Variants in DNAH1 observed in about 807,000 individuals in gnomAD.
DNAH1 encodes the protein dynein axonemal heavy chain 1.
Under a neutral mutation model 484.3 loss-of-function variants are expected in DNAH1, and 327 were observed. The ratio of observed to expected loss-of-function variants is 0.68; its 90% CI spans 0.62 to 0.74. The LOEUF (loss-of-function observed/expected upper bound fraction) is 0.74. DNAH1 is among the 30% of genes least tolerant of loss of function. The pLI is 0.00. For missense variants in DNAH1, 5,052 were observed against 5,546.8 expected (o/e 0.91, Z 2.83); for synonymous variants, 2,192 against 2,191.9 (o/e 1.00, Z 0.00).
chr3:52,393,281 G>A, intron 65 of DNAH1, 53 bp from the exon 66 acceptor site: 5 of 1,604,502 alleles, frequency 3.1e-6, no homozygotes, highest in Non-Finnish European at 3.4e-6. Context: ...TGGACCCCGG[G>A]GCTCTTCCTT....
At chr3:52,365,489 T>C (rs1167851575) in intron 34 of DNAH1, among the ~76,000 whole-genome samples, 1 of 152,178 alleles carries the variant, frequency 6.6e-6, no homozygotes, top group Non-Finnish European at 1.5e-5. Context: ...AGAAAGAACA[T>C]TTGGGCCCTT....
intron 8 of DNAH1, among the ~76,000 whole-genome samples, chr3:52,338,806 G>A (rs1453177204): frequency 5.3e-5 from 8 of 151,238 alleles, no homozygotes; most frequent in East Asian, 3.9e-4. Context: ...TGGGTGGATC[G>A]CCTGAGGTCA....
chr3:52,348,984 A>G lies in DNAH1; in HGVS notation c.2203A>G (p.Ser735Gly). The stretch of plus-strand genomic sequence containing the variant: ...GGAAGAGCTACGGGCCACCATTGCC[A>G]GTGCCGTGTCCAAGGCCATGATCCC... ...LVEELRATIA[S>G]AVSKAMIPLQ... The change falls in exon 13 of 78, where the codon AGT (serine) becomes GGT (glycine). Residue 735 changes from serine to glycine, a missense_variant. By Grantham distance (56) the Ser-to-Gly change is moderately conservative. Transcript: ENST00000420323. 1.2e-6 allele frequency: 2 copies of G among 1,613,506 alleles called. No homozygotes were observed. Among genetic ancestry groups the G allele is most frequent in the Non-Finnish European group, 1.7e-6 (2 of 1,179,900 alleles).
rs1257949880 is a variant in DNAH1, at chr3:52,354,885, A to G, written c.3523A>G (p.Asn1175Asp). ...GAAGGAGTGGTCGACCATCCTGTTC[A>G]ATGTACTGCCCTACAAGGCGACAGA... ...MEKEWSTILF[N>D]VLPYKATDTY... Residue 1175 changes from asparagine (N) to aspartate (D), a missense_variant, in exon 21 of 78, where the codon AAT becomes GAT. Physicochemically the swap from Asn to Asp is conservative, Grantham distance 23 (BLOSUM62 1). This residue lies in a region of DNAH1 where 2,929 missense variants were observed against 3,409.4 expected (regional missense o/e 0.86). Coordinates refer to ENST00000420323, the MANE Select transcript of DNAH1 (RefSeq NM_015512.5). 23 of 1,613,864 alleles carry G rather than the reference A, an allele frequency of 1.4e-5. No individual in the cohort carries two copies. Among genetic ancestry groups the G allele is most frequent in the Non-Finnish European group, 1.9e-5 (23 of 1,179,900 alleles).
At chr3:52,343,564 T>C (rs1278976654) in intron 8 of DNAH1, among the ~76,000 whole-genome samples, 3 of 151,606 alleles carry the variant, frequency 2.0e-5, no homozygotes, top group Non-Finnish European at 2.9e-5. Flanking sequence ...CTAGGCCAGG[T>C]TGAGGGTGTG....
intron 44 of DNAH1, chr3:52,374,119 C>G (rs1703479407): frequency 8.6e-7 from 1 of 1,163,466 alleles, no homozygotes; most frequent in Non-Finnish European, 1.3e-6. Context: ...CCACCCTTCA[C>G]AGAATCTATG....
In DNAH1 at chr3:52,332,243, A is replaced by C. The variant is rs372166382; in HGVS notation, c.1135A>C (p.Asn379His). Residue 379 changes from asparagine to histidine, a missense_variant, in exon 8 of 78, where the codon AAC becomes CAC. Physicochemically the swap from Asn to His is moderately conservative, Grantham distance 68 (BLOSUM62 1). Around this residue, in one of 4 missense-constraint regions of DNAH1, gnomAD observed 1,263 missense variants for 1,218.8 expected, o/e 1.04. Transcript: ENST00000420323. ...GTTCGCACAACGTGTGGTCCAGGCC[A>C]ACGCCCTGCGCAAGAACACGGAAGC... ...CMFAQRVVQA[N>H]ALRKNTEALL... The C allele has an allele frequency of 6.2e-7, 1 of 1,613,842 alleles. No homozygotes were observed. Among genetic ancestry groups the C allele is most frequent in the African/African-American group, 1.3e-5 (1 of 74,950 alleles).
chr3:52,345,760 G>A (rs904647598), intron 10 of DNAH1, 54 bp downstream of exon 10: 3 of 1,549,480 alleles, frequency 1.9e-6, no homozygotes, highest in Admixed American at 3.8e-5. Flanking sequence ...CCTTGGAACT[G>A]GCAGGCACAG....
At chr3:52,331,417 C>T in intron 7 of DNAH1, 108 bp downstream of exon 7, 3 of 1,322,246 alleles carry the variant, frequency 2.3e-6, no homozygotes, top group Non-Finnish European at 2.0e-6. Context: ...CTGAATTCTA[C>T]TTTTCTGTTT....
intron 73 of DNAH1, among the ~76,000 whole-genome samples, chr3:52,397,336 C>G (rs768732865): frequency 5.3e-5 from 8 of 152,160 alleles, no homozygotes; most frequent in Non-Finnish European, 1.0e-4. Flanking sequence ...CCAGACTCCA[C>G]AGTCAGGGAG....
At position 52,357,882 on chromosome 3, in the gene DNAH1, CCT is replaced by C; in HGVS notation, c.3981-15_3981-14del. 1 of 1,610,536 alleles carries C rather than the reference CCT, an allele frequency of 6.2e-7. No homozygotes were observed. The highest frequency in any genetic ancestry group is 8.5e-7 in the Non-Finnish European group (1 of 1,178,234). On this transcript the variant is annotated splice_polypyrimidine_tract_variant and intron_variant, in intron 23 of 77. Coordinates refer to ENST00000420323, the MANE Select transcript of DNAH1 (RefSeq NM_015512.5). ...AGCCTGCACGACCCGCTTCCTCACCCCTGTTCCCCTGGCAGATTCTACTTCCT... is the reference window on the plus strand; with the variant it reads ...AGCCTGCACGACCCGCTTCCTCACCCGTTCCCCTGGCAGATTCTACTTCCT...
chr3:52,358,836 C>A lies in DNAH1; in HGVS notation c.4266+99C>A. 1 of 1,407,932 alleles carries A rather than the reference C, an allele frequency of 7.1e-7. No individual in the cohort carries two copies. The highest frequency in any genetic ancestry group is 9.7e-7 in the Non-Finnish European group (1 of 1,030,510). The allele number at this position is 1,407,932 out of a possible 1,614,324, so 87.2% of individuals were successfully genotyped here. ...AGCCGGCCTCGTCCTCAGGCTGCAG[C>A]CCTGAGGTCCCTGGGGGCTCAGGCG... On this transcript the variant is annotated intron_variant, in intron 25 of 77. Transcript: ENST00000420323. The surrounding 1 kb of genome is among the most constrained non-coding windows in gnomAD (Gnocchi z 4.2).
chr3:52,392,393 T>C, intron 63 of DNAH1, 71 bp from the exon 64 acceptor site: 1 of 1,410,914 alleles, frequency 7.1e-7, no homozygotes, highest in Non-Finnish European at 9.9e-7. Context: ...GGTGGATGGG[T>C]GACCAGGTTC....
At chr3:52,313,344 A>G (rs1318606385), upstream of DNAH1, among the ~76,000 whole-genome samples, 2 of 151,984 alleles carry the variant, frequency 1.3e-5, no homozygotes, top group African/African-American at 4.8e-5. Flanking sequence ...AGGGACAAAG[A>G]GTGAGAGGAG....
rs765669650 is a variant in DNAH1, at chr3:52,356,700, G to C, written c.3780G>C (p.Leu1260=). 9.9e-6 allele frequency: 16 copies of C among 1,613,818 alleles called. No individual in the cohort carries two copies. The highest frequency in any genetic ancestry group is 1.4e-5 in the Non-Finnish European group (16 of 1,179,892). Residue 1260 remains leucine, a synonymous_variant, in exon 22 of 78, where the codon CTG becomes CTC. Transcript: ENST00000420323. The part of the protein sequence containing the change: ...IFSSEDINQQ[L]PVESKRYQTM... ...GCTCTGAGGACATCAACCAGCAGCT[G>C]CCTGTGGAGAGCAAGCGCTACCAGA... is the stretch of plus-strand genomic sequence containing the variant.
Position 52,353,328 on chromosome 3 carries a change from T to A in DNAH1, c.3226+27T>A. On this transcript the variant is annotated intron_variant, in intron 19 of 77. Coordinates refer to ENST00000420323, the MANE Select transcript of DNAH1 (RefSeq NM_015512.5). The surrounding 1 kb of genome is among the most constrained non-coding windows in gnomAD (Gnocchi z 5.0). ...TAGGGAGCCAAGCCGGCCAATCCCC[T>A]CCTCCCTGCCTCTGCCGCCTGCCTC... The A allele has an allele frequency of 6.2e-7, 1 of 1,608,418 alleles. No individual in the cohort carries two copies. The highest frequency in any genetic ancestry group is 1.7e-5 in the Admixed American group (1 of 59,858).
Position 52,362,910 on chromosome 3 carries a change from G to A in DNAH1, c.5095-85G>A, listed in dbSNP as rs573460202. The A allele has an allele frequency of 2.0e-5, 31 of 1,575,596 alleles. No individual in the cohort carries two copies. Among genetic ancestry groups the A allele is most frequent in the Admixed American group, 5.0e-5 (3 of 59,518 alleles). ...GCTTGGTGCAGCAGGGAGTCCCAGC[G>A]TGTTAGGGAGGAGGGCCGGATGAAG... On this transcript the variant is annotated intron_variant, in intron 31 of 77. Coordinates refer to ENST00000420323, the MANE Select transcript of DNAH1 (RefSeq NM_015512.5). The surrounding 1 kb of genome is among the most constrained non-coding windows in gnomAD (Gnocchi z 5.1).
In DNAH1 at chr3:52,326,315, G is replaced by C. The variant is rs1343973537; in HGVS notation, c.581+1G>C. 6.2e-7 allele frequency: 1 copy of C among 1,603,402 alleles called. No individual in the cohort carries two copies. Among genetic ancestry groups the C allele is most frequent in the Non-Finnish European group, 8.5e-7 (1 of 1,179,118 alleles). On this transcript the variant is annotated splice_donor_variant, in intron 4 of 77. Coordinates refer to ENST00000420323, the MANE Select transcript of DNAH1 (RefSeq NM_015512.5). LOFTEE classifies it high-confidence loss of function. ...ATCCTCGCAAGATTGAGATCGAGAGGTACGGCTGGGTGGGCTGTGGGGAGA... is the reference window on the plus strand; with the variant it reads ...ATCCTCGCAAGATTGAGATCGAGAGCTACGGCTGGGTGGGCTGTGGGGAGA...
At chr3:52,360,756 C>T (rs1173140690) in intron 28 of DNAH1, among the ~76,000 whole-genome samples, 4 of 152,160 alleles carry the variant, frequency 2.6e-5, no homozygotes, top group Non-Finnish European at 5.9e-5. Flanking sequence ...TGTTTTTATC[C>T]GTCAATTCCT....
Sources: gnomAD v4.1 joint callset for allele counts (sites outside exome capture counted in the v4.1 genomes callset) on GRCh38, gnomAD v4.1.1 for gene constraint, gnomAD v4.1.1 regional missense constraint, Gnocchi (gnomAD v3.1) non-coding constraint, MANE v1.5 for transcripts, NCBI Gene and HGNC (gene_info 2026-07-23, HGNC 2026-07-21) for gene names.